Variants in WWC1 observed in about 807,000 individuals in gnomAD.
The protein encoded by WWC1 is WW and C2 domain containing 1.
A neutral mutation model predicts 138.4 loss-of-function variants in WWC1; 55 were observed. The ratio of observed to expected loss-of-function variants is 0.40; its 90% confidence interval spans 0.32 to 0.50. The LOEUF (loss-of-function observed/expected upper bound fraction) is 0.50. Among genes scored for constraint, WWC1 ranks in the 20% least tolerant of loss-of-function variants. The probability of loss-of-function intolerance (pLI) is 0.72; values close to 1 mark genes in which losing one functional copy is unlikely to be tolerated. For missense variants in WWC1, 1,226 were observed against 1,420.4 expected, an observed-to-expected ratio of 0.86 and a Z score of 2.20; for synonymous variants, 524 against 564.9, an observed-to-expected ratio of 0.93 and a Z score of 1.03.
At chr5:168,306,308 A>G (rs1288125362) in intron 1 of WWC1, among the ~76,000 whole-genome samples, 3 of 152,222 alleles carry the variant, frequency 2.0e-5, no homozygotes, top group Non-Finnish European at 4.4e-5. Context: ...AGGCAGGGGA[A>G]TCGCTTGAAC....
chr5:168,306,269 T>G (rs6555798), intron 1 of WWC1, among the ~76,000 whole-genome samples: 101,931 of 151,336 alleles, frequency 0.67, 34,426 homozygotes, highest in Middle Eastern at 0.74. Context: ...AGTGGCACAC[T>G]CCTGTAATAC....
At chr5:168,414,314 G>A in intron 8 of WWC1, 34 bp from the exon 9 acceptor site, 1 of 1,608,890 alleles carries the variant, frequency 6.2e-7, no homozygotes, top group Admixed American at 1.7e-5. Context: ...GTGCCATTAG[G>A]CACACCAGTC....
intron 17 of WWC1, among the ~76,000 whole-genome samples, chr5:168,446,520 G>A (rs1755281699): frequency 6.6e-6 from 1 of 152,170 alleles, no homozygotes; most frequent in Non-Finnish European, 1.5e-5. Flanking sequence ...TTCTATTGCA[G>A]TGTAAAATAC....
chr5:168,381,186 T>A (rs956967982), intron 2 of WWC1, among the ~76,000 whole-genome samples: 1 of 152,164 alleles, frequency 6.6e-6, no homozygotes, highest in Admixed American at 6.5e-5. Flanking sequence ...AAAGAGACCA[T>A]GAGCCACAAA....
At chr5:168,304,186 C>T (rs993047759) in intron 1 of WWC1, among the ~76,000 whole-genome samples, 1 of 152,156 alleles carries the variant, frequency 6.6e-6, no homozygotes, top group Non-Finnish European at 1.5e-5. Context: ...ATAACTTTCT[C>T]TATAGTTACA....
intron 2 of WWC1, among the ~76,000 whole-genome samples, chr5:168,372,069 G>A (rs1047193609): frequency 6.7e-6 from 1 of 150,366 alleles, no homozygotes; most frequent in African/African-American, 2.4e-5. Context: ...GTGTGTGTGT[G>A]TGTGTGTGTG....
chr5:168,437,810 C>G (rs1221716120), intron 15 of WWC1, among the ~76,000 whole-genome samples: 3 of 152,116 alleles, frequency 2.0e-5, no homozygotes, highest in Non-Finnish European at 4.4e-5. Flanking sequence ...GTCTTTTCCC[C>G]TCATACCTCA....
At position 168,424,059 on chromosome 5, in the gene WWC1, C is replaced by T. The variant is rs1304997725; in HGVS notation, c.1801C>T (p.Leu601=). The T allele has an allele frequency of 1.9e-6, 3 of 1,598,494 alleles. No individual in the cohort carries two copies. Among genetic ancestry groups the T allele is most frequent in the South Asian group, 2.3e-5 (2 of 87,086 alleles). ...LEEPGTEGKQ[L]GQAVNTAQGC... ...GGAACCAGGAACGGAGGGCAAGCAG[C>T]TGGGCCAAGGTAGAGAGCACCATAC... Residue 601 remains leucine, a synonymous_variant, in exon 11 of 23, where the codon CTG becomes TTG. Transcript: ENST00000265293.
At chr5:168,403,038 CT>C (rs1255836424) in intron 5 of WWC1, among the ~76,000 whole-genome samples, 3 of 127,956 alleles carry the variant, frequency 2.3e-5, no homozygotes, top group Admixed American at 7.7e-5. Flanking sequence ...TTCTTTCTTT[CT>C]TTCTTTCTTT....
At chr5:168,399,091 TC>T (rs1449553179) in intron 4 of WWC1, among the ~76,000 whole-genome samples, 2 of 152,172 alleles carry the variant, frequency 1.3e-5, no homozygotes, top group Non-Finnish European at 1.5e-5. Context: ...CTTTAAGTGA[TC>T]CATGGCTCTG....
chr5:168,433,840 T>C (rs1782129299), intron 15 of WWC1, among the ~76,000 whole-genome samples: 1 of 152,180 alleles, frequency 6.6e-6, no homozygotes, highest in African/African-American at 2.4e-5. Flanking sequence ...CCCAGCCCAT[T>C]ATCTCTATTG....
At chr5:168,326,475 C>G (rs928539986) in intron 1 of WWC1, among the ~76,000 whole-genome samples, 5 of 152,118 alleles carry the variant, frequency 3.3e-5, no homozygotes, top group African/African-American at 1.2e-4. Context: ...CCTCAGCCTC[C>G]CAAAGTGCTG....
intron 2 of WWC1, among the ~76,000 whole-genome samples, chr5:168,380,645 G>A (rs796173249): frequency 1.3e-5 from 2 of 152,108 alleles, no homozygotes; most frequent in Admixed American, 6.5e-5. Flanking sequence ...ATATACTTGC[G>A]AAGTATAATC....
chr5:168,422,213 T>C (rs1781144683), intron 10 of WWC1, 116 bp downstream of exon 10: 1 of 995,010 alleles, frequency 1.0e-6, no homozygotes, highest in Admixed American at 2.0e-5. Context: ...AGAGTGGATG[T>C]TTAGAAGCAT....
intron 1 of WWC1, among the ~76,000 whole-genome samples, chr5:168,304,101 C>T (rs1207308334): frequency 6.6e-6 from 1 of 152,202 alleles, no homozygotes; most frequent in African/African-American, 2.4e-5. Flanking sequence ...TCACATTAGA[C>T]ATCTCTCATT....
At position 168,292,875 on chromosome 5, in the gene WWC1, G is replaced by A. The variant is rs1242641874; in HGVS notation, c.119+604G>A. ...CCTGGAACCCGAGGGTGGGGAGGAA[G>A]TGAAGAAGCGGGGGAGGGCAGATGA... is the stretch of plus-strand genomic sequence containing the variant. On this transcript the variant is annotated intron_variant, in intron 1 of 22. Coordinates refer to ENST00000265293, the MANE Select transcript of WWC1 (RefSeq NM_015238.3). This position sits in a 1 kb window ranked among gnomAD's most constrained non-coding sequence, Gnocchi z 4.4. Among the ~76,000 whole-genome samples the A allele has an allele frequency of 6.6e-6, 1 of 152,210 alleles. No homozygotes were observed. The highest frequency in any genetic ancestry group is 1.9e-4 in the East Asian group (1 of 5,188).
chr5:168,440,725 C>G (rs953725750), intron 15 of WWC1, among the ~76,000 whole-genome samples: 1 of 152,136 alleles, frequency 6.6e-6, no homozygotes, highest in Non-Finnish European at 1.5e-5. Context: ...CCATGTTGGT[C>G]AGGCTGGTCT....
At position 168,296,897 on chromosome 5, in the gene WWC1, C is replaced by T. The variant is rs887788573; in HGVS notation, c.119+4626C>T. 5.9e-5 allele frequency among the ~76,000 whole-genome samples: 9 copies of T among 152,304 alleles called. No individual in the cohort carries two copies. In the East Asian group the frequency reaches 1.5e-3, roughly 26 times the overall value. Reference sequence around the variant, plus strand: ...CTGCTCCAGTGCCTAAGGAATTTGGCCTTGGGAAATGGAGCCAAAACAGGC... The same window carrying T: ...CTGCTCCAGTGCCTAAGGAATTTGGTCTTGGGAAATGGAGCCAAAACAGGC... On this transcript the variant is annotated intron_variant, in intron 1 of 22. Coordinates refer to ENST00000265293, the MANE Select transcript of WWC1 (RefSeq NM_015238.3).
intron 3 of WWC1, among the ~76,000 whole-genome samples, chr5:168,386,896 T>A (rs1008748161): frequency 6.6e-6 from 1 of 152,180 alleles, no homozygotes. Context: ...GTGATCCACG[T>A]GCCTCAGCCT....
Sources: allele counts gnomAD v4.1 joint callset (sites outside exome capture counted in the v4.1 genomes callset), GRCh38; gene constraint gnomAD v4.1.1; non-coding constraint Gnocchi (gnomAD v3.1); transcripts MANE v1.5; gene names NCBI Gene and HGNC (gene_info 2026-07-23, HGNC 2026-07-21).